Variants in MAML3 observed in about 807,000 individuals in gnomAD.
The protein encoded by MAML3 is mastermind-like protein 3.
MAML3 carries 27 observed loss-of-function variants against 101.9 expected under a neutral mutation model. The ratio of observed to expected loss-of-function variants is 0.27; its 90% CI spans 0.20 to 0.37. The LOEUF (loss-of-function observed/expected upper bound fraction) is 0.37. Among genes scored for constraint, MAML3 ranks in the 10% least tolerant of loss-of-function variants. MAML3 has a pLI of 1.00. For synonymous variants in MAML3, 501 were observed against 555.9 expected, an observed-to-expected ratio of 0.90 and a Z score of 1.39; for missense variants, 1,316 against 1,444.9, an observed-to-expected ratio of 0.91 and a Z score of 1.45.
At chr4:139,919,506 T>G (rs1019446293) in intron 1 of MAML3, among the ~76,000 whole-genome samples, 1 of 152,250 alleles carries the variant, frequency 6.6e-6, no homozygotes, top group African/African-American at 2.4e-5. Flanking sequence ...CTTCTTTCTT[T>G]CTTAGAAAGG....
At chr4:140,054,332 G>T (rs1391030284) in intron 1 of MAML3, among the ~76,000 whole-genome samples, 1 of 145,110 alleles carries the variant, frequency 6.9e-6, no homozygotes, top group Non-Finnish European at 1.5e-5. Flanking sequence ...TTGCACCACT[G>T]CACTGCGACC....
intron 1 of MAML3, among the ~76,000 whole-genome samples, chr4:140,132,848 A>G (rs951054504): frequency 6.6e-6 from 1 of 152,234 alleles, no homozygotes; most frequent in Non-Finnish European, 1.5e-5. Flanking sequence ...AGCTTTACAT[A>G]TGCAACTGTA....
intron 1 of MAML3, among the ~76,000 whole-genome samples, chr4:139,922,722 G>A (rs1340881089): frequency 6.6e-6 from 1 of 152,134 alleles, no homozygotes; most frequent in Non-Finnish European, 1.5e-5. Context: ...TGAGAAAGCA[G>A]CAATGTATGT....
At chr4:139,810,458 G>A (rs1366517033) in intron 2 of MAML3, among the ~76,000 whole-genome samples, 4 of 151,770 alleles carry the variant, frequency 2.6e-5, no homozygotes, top group African/African-American at 9.7e-5. Flanking sequence ...CCAAAGTGTT[G>A]GAATTACAGG....
chr4:140,053,335 T>C lies in MAML3; in HGVS notation c.468+99525A>G, dbSNP rs1727300805. On this transcript the variant is annotated intron_variant, in intron 1 of 4. Coordinates refer to ENST00000509479, the MANE Select transcript of MAML3 (RefSeq NM_018717.5). The stretch of plus-strand genomic sequence containing the variant: ...CTTCATCTCCTTCACTGACTCAGCA[T>C]GCCCCTCGGACCACTGCTTTGGAAT... Among the ~76,000 whole-genome samples, 12 of 152,304 alleles carry C rather than the reference T, an allele frequency of 7.9e-5. 1 individual carries two copies. The South Asian group carries it at 2.5e-3, about 32-fold the overall frequency.
intron 1 of MAML3, chr4:140,134,633 A>G: frequency 3.6e-6 from 1 of 280,744 alleles, no homozygotes; most frequent in South Asian, 3.5e-5. Flanking sequence ...ATATACATAC[A>G]TGTGTATTTT....
Position 139,890,410 on chromosome 4 carries a change from C to A in MAML3, c.1026G>T (p.Ser342=), listed in dbSNP as rs749324651. 2.5e-6 allele frequency: 4 copies of A among 1,604,626 alleles called. No homozygotes were observed. The highest frequency in any genetic ancestry group is 2.6e-6 in the Non-Finnish European group (3 of 1,173,450). ...AGAGAGGGGTCTCAGTTGCTGGCTG[C>A]GAGAATTCTGGCTCCTTCTTCTCTT... ...DFEEKKEPEF[S]QPATETPLSQ... The change falls in exon 2 of 5, where the codon TCG becomes TCT. Residue 342 remains serine, a synonymous_variant. Transcript: ENST00000509479. The surrounding 1 kb of genome is among the most constrained non-coding windows in gnomAD (Gnocchi z 4.1).
intron 1 of MAML3, among the ~76,000 whole-genome samples, chr4:140,116,381 A>G (rs141011739): frequency 0.012 from 1,776 of 152,314 alleles, 37 homozygotes; most frequent in African/African-American, 0.04. Context: ...ACTCAAAACT[A>G]GCCCTCCTGA....
intron 2 of MAML3, among the ~76,000 whole-genome samples, chr4:139,814,055 C>CACAG (rs1553958316): frequency 6.6e-6 from 1 of 151,434 alleles, no homozygotes; most frequent in Non-Finnish European, 1.5e-5. Flanking sequence ...CACACACACA[C>CACAG]AGAATGATGA....
intron 1 of MAML3, among the ~76,000 whole-genome samples, chr4:139,988,646 G>C (rs1445573104): frequency 6.6e-6 from 1 of 152,150 alleles, no homozygotes; most frequent in Non-Finnish European, 1.5e-5. Context: ...GGACAGGAAG[G>C]GGCAAAAGAG....
chr4:140,087,089 G>A (rs1215729396), intron 1 of MAML3, among the ~76,000 whole-genome samples: 1 of 152,250 alleles, frequency 6.6e-6, no homozygotes, highest in Non-Finnish European at 1.5e-5. Flanking sequence ...GAACCTGGGA[G>A]GTGGAGGTTG....
intron 1 of MAML3, among the ~76,000 whole-genome samples, chr4:139,983,040 T>A (rs1176474214): frequency 6.6e-6 from 1 of 152,238 alleles, no homozygotes; most frequent in Non-Finnish European, 1.5e-5. Context: ...GGTAATTTCA[T>A]CTATTCGTGA....
intron 1 of MAML3, among the ~76,000 whole-genome samples, chr4:139,947,161 G>A (rs904463021): frequency 5.3e-5 from 8 of 152,094 alleles, no homozygotes; most frequent in Non-Finnish European, 1.2e-4. Flanking sequence ...CATGAAAATT[G>A]TACTGCTTTC....
At chr4:140,009,434 C>T (rs969150770) in intron 1 of MAML3, among the ~76,000 whole-genome samples, 7 of 152,198 alleles carry the variant, frequency 4.6e-5, no homozygotes, top group Non-Finnish European at 1.0e-4. Context: ...GGAGAATGCA[C>T]TCTCTCAGCC....
chr4:139,992,168 A>G (rs13109433), intron 1 of MAML3, among the ~76,000 whole-genome samples: 39,780 of 152,144 alleles, frequency 0.26, 6,586 homozygotes, highest in Non-Finnish European at 0.37. Flanking sequence ...TCCATCTTGT[A>G]GCAGGCATTG....
At chr4:139,814,322 C>T (rs780371472) in intron 2 of MAML3, among the ~76,000 whole-genome samples, 1 of 152,212 alleles carries the variant, frequency 6.6e-6, no homozygotes, top group Admixed American at 6.5e-5. Context: ...TGCTTCCTAT[C>T]ATATAAGGCT....
intron 1 of MAML3, among the ~76,000 whole-genome samples, chr4:139,967,540 C>T (rs190982539): frequency 6.6e-6 from 1 of 151,452 alleles, no homozygotes; most frequent in Non-Finnish European, 1.5e-5. Flanking sequence ...CCGGCAGTTT[C>T]CCAAATGAGA....
intron 2 of MAML3, among the ~76,000 whole-genome samples, chr4:139,736,988 T>C (rs1219318281): frequency 6.6e-6 from 1 of 152,186 alleles, no homozygotes; most frequent in Non-Finnish European, 1.5e-5. Context: ...AACCCAAGAA[T>C]TCTGAAAGGA....
intron 2 of MAML3, among the ~76,000 whole-genome samples, chr4:139,791,318 A>T (rs1730404670): frequency 6.6e-6 from 1 of 152,016 alleles, no homozygotes; most frequent in African/African-American, 2.4e-5. Flanking sequence ...ACAACATGGC[A>T]AAAGCCCATC....
Sources: gnomAD v4.1 joint callset for allele counts (sites outside exome capture counted in the v4.1 genomes callset) on GRCh38, gnomAD v4.1.1 for gene constraint, Gnocchi (gnomAD v3.1) non-coding constraint, MANE v1.5 for transcripts, NCBI Gene and HGNC (gene_info 2026-07-23, HGNC 2026-07-21) for gene names.